CD109: variants seen among roughly 807,000 people sequenced by gnomAD.
The protein encoded by CD109 is CD109 molecule.
A neutral mutation model predicts 165.8 loss-of-function variants in CD109; 149 were observed. The ratio of observed to expected loss-of-function variants is 0.90; its 90% confidence interval spans 0.79 to 1.03. The LOEUF (loss-of-function observed/expected upper bound fraction) is 1.03. Among genes scored for constraint, CD109 ranks in the 50% least tolerant of loss-of-function variants. The probability of loss-of-function intolerance (pLI) is 0.00; values close to 1 mark genes in which losing one functional copy is unlikely to be tolerated. For synonymous variants in CD109, 585 were observed against 592.1 expected, an observed-to-expected ratio of 0.99 and a Z score of 0.18; for missense variants, 1,712 against 1,677.8, an observed-to-expected ratio of 1.02 and a Z score of -0.36.
At chr6:73,781,793 A>ATG (rs1774514094) in intron 17 of CD109, among the ~76,000 whole-genome samples, 1 of 144,278 alleles carries the variant, frequency 6.9e-6, no homozygotes, top group African/African-American at 2.6e-5. Flanking sequence ...ACACACACAC[A>ATG]CAGAGACATA....
chr6:73,744,570 G>A (rs1772909253), intron 5 of CD109, among the ~76,000 whole-genome samples: 2 of 152,120 alleles, frequency 1.3e-5, no homozygotes, highest in African/African-American at 4.8e-5. Flanking sequence ...ATTCTAGTTT[G>A]TTATAAAGTC....
intron 30 of CD109, among the ~76,000 whole-genome samples, chr6:73,816,304 T>C (rs1775934986): frequency 6.6e-6 from 1 of 152,210 alleles, no homozygotes; most frequent in Non-Finnish European, 1.5e-5. Context: ...TTGGTCTCTG[T>C]TATAGAATAA....
rs3751645 is a variant in CD109, at chr6:73,824,259, T to G, written c.*626T>G. ...GCCATTGCCCTCCCTCTCTTTTTCC[T>G]CTGTAGAGAAATGTGAGGGGCAGTA... is the stretch of plus-strand genomic sequence containing the variant. On this transcript the variant is annotated 3_prime_UTR_variant, in exon 33 of 33. Coordinates refer to ENST00000287097, the MANE Select transcript of CD109 (RefSeq NM_133493.5). 0.25 allele frequency: 37,340 copies of G among 151,914 alleles called. 5,258 individuals are homozygous for G. The highest frequency in any genetic ancestry group is 0.32 in the Admixed American group (4,847 of 15,240). The allele number at this position is 151,914 out of a possible 1,614,324, so 9.4% of individuals were successfully genotyped here.
At chr6:73,812,809 A>G (rs554275592) in intron 29 of CD109, among the ~76,000 whole-genome samples, 6 of 152,108 alleles carry the variant, frequency 3.9e-5, no homozygotes, top group Non-Finnish European at 7.4e-5. Context: ...GAATAAGATA[A>G]TCATCACACT....
intron 2 of CD109, among the ~76,000 whole-genome samples, chr6:73,702,656 C>T (rs2150147227): frequency 6.6e-6 from 1 of 152,300 alleles, no homozygotes; most frequent in East Asian, 1.9e-4. Flanking sequence ...GCCTGGCTAC[C>T]TGGGCACAGG....
intron 10 of CD109, 99 bp downstream of exon 10, chr6:73,763,784 C>G: frequency 1.8e-6 from 1 of 547,536 alleles, no homozygotes; most frequent in Non-Finnish European, 3.1e-6. Context: ...AAATTTAAGC[C>G]AAAAAGTATA....
chr6:73,808,741 T>C (rs1435717782), intron 26 of CD109, among the ~76,000 whole-genome samples: 3 of 151,924 alleles, frequency 2.0e-5, no homozygotes, highest in Non-Finnish European at 4.4e-5. Flanking sequence ...GAAATGTGAA[T>C]ACCAAAAAAT....
chr6:73,713,708 G>A (rs1771616967), intron 2 of CD109, among the ~76,000 whole-genome samples: 2 of 152,162 alleles, frequency 1.3e-5, no homozygotes, highest in Non-Finnish European at 2.9e-5. Context: ...TTCATTCAGA[G>A]CTGCATTAAA....
In CD109 at chr6:73,828,296, AG is replaced by A. The variant is rs1776330890; in HGVS notation, c.*4664del. 6.6e-6 allele frequency: 1 copy of A among 152,578 alleles called. No homozygotes were observed. The highest frequency in any genetic ancestry group is 2.4e-5 in the African/African-American group (1 of 41,462). The allele number at this position is 152,578 out of a possible 1,614,324, so 9.5% of individuals were successfully genotyped here. On this transcript the variant is annotated 3_prime_UTR_variant, in exon 33 of 33. Transcript: ENST00000287097. ...TAGAAAATCATGATTTATTAATAAA[AG>A]CTTAAATTCTCATCTATTTATTATG...
chr6:73,698,660 C>T (rs1262461559), intron 2 of CD109, among the ~76,000 whole-genome samples: 7 of 152,184 alleles, frequency 4.6e-5, no homozygotes, highest in Admixed American at 2.0e-4. Context: ...GTTCTTTCCC[C>T]ACTGGAAGTT....
intron 32 of CD109, among the ~76,000 whole-genome samples, chr6:73,820,885 T>C (rs1776084951): frequency 6.6e-6 from 1 of 152,194 alleles, no homozygotes; most frequent in South Asian, 2.1e-4. Flanking sequence ...ATTTGCAAGG[T>C]ATTGCTTCTA....
Position 73,708,213 on chromosome 6 carries a change from TG to T in CD109, c.247+10642del, listed in dbSNP as rs541036408. 7.0e-3 allele frequency among the ~76,000 whole-genome samples: 1,059 copies of T among 152,068 alleles called. 15 individuals are homozygous for T. Among genetic ancestry groups the T allele is most frequent in the African/African-American group, 0.024 (980 of 41,444 alleles). On this transcript the variant is annotated intron_variant, in intron 2 of 32. Coordinates refer to ENST00000287097, the MANE Select transcript of CD109 (RefSeq NM_133493.5). Reference sequence around the variant, plus strand: ...CCGTCCTGTGTCCAAGTGTTCTCATTGTTCAATTCCCACCTATGAGTGAGAA... The same window carrying T: ...CCGTCCTGTGTCCAAGTGTTCTCATTTTCAATTCCCACCTATGAGTGAGAA...
chr6:73,778,588 C>G (rs982794672), intron 15 of CD109, among the ~76,000 whole-genome samples: 1 of 152,184 alleles, frequency 6.6e-6, no homozygotes. Context: ...TCATGGAACT[C>G]TAGCCTTTTC....
intron 23 of CD109, among the ~76,000 whole-genome samples, chr6:73,802,257 ATGTGTGTGTGTGTG>A (rs533767572): frequency 1.8e-3 from 184 of 100,174 alleles, no homozygotes; most frequent in South Asian, 9.4e-3. Flanking sequence ...GCATGTGTAT[ATGTGTGTGTGTGTG>A]TGTGTGTGTG....
chr6:73,769,884 G>C (rs977212490), intron 14 of CD109, among the ~76,000 whole-genome samples: 2 of 152,166 alleles, frequency 1.3e-5, no homozygotes, highest in Admixed American at 6.5e-5. Flanking sequence ...AGGCATGTCA[G>C]AAAAAAATTG....
intron 14 of CD109, 63 bp from the exon 15 acceptor site, chr6:73,771,366 C>A (rs1014006907): frequency 3.8e-5 from 53 of 1,389,176 alleles, no homozygotes; most frequent in Non-Finnish European, 1.1e-5. Context: ...CAGTGGTCTG[C>A]TATTGGCAAG....
the CD109 span, among the ~76,000 whole-genome samples, chr6:73,686,922 C>A: frequency 3.9e-5 from 6 of 152,308 alleles, no homozygotes; most frequent in Admixed American, 3.9e-4. Flanking sequence ...GAACTCCTGA[C>A]CTCAAGTGAT....
chr6:73,695,995 C>T, upstream of CD109: 1 of 533,070 alleles, frequency 1.9e-6, no homozygotes, highest in East Asian at 3.7e-5. Context: ...CGATGTTTGC[C>T]ACAGCAGCGA....
intron 2 of CD109, among the ~76,000 whole-genome samples, chr6:73,709,487 G>T (rs1253091611): frequency 6.6e-6 from 1 of 152,100 alleles, no homozygotes; most frequent in Admixed American, 6.6e-5. Context: ...AATGTGAGTT[G>T]TTTTTTGGTT....
Sources: allele counts gnomAD v4.1 joint callset (sites outside exome capture counted in the v4.1 genomes callset), GRCh38; gene constraint gnomAD v4.1.1; transcripts MANE v1.5; gene names NCBI Gene and HGNC (gene_info 2026-07-23, HGNC 2026-07-21).